Variants in COL10A1 observed in about 807,000 individuals in gnomAD.
COL10A1 encodes collagen type X alpha 1 chain, also known as collagen alpha-1(X) chain.
Under a neutral mutation model 18.2 loss-of-function variants are expected in COL10A1, and 10 were observed. The ratio of observed to expected loss-of-function variants is 0.55; its 90% confidence interval spans 0.34 to 0.93. The LOEUF is 0.93. Among genes scored for constraint, COL10A1 ranks in the 40% least tolerant of loss-of-function variants. The pLI, the probability that COL10A1 is intolerant of heterozygous loss-of-function variation, is 0.02. For missense variants in COL10A1, 897 were observed against 853.5 expected (o/e 1.05, Z -0.64); for synonymous variants, 330 against 316.6 (o/e 1.04, Z -0.45).
chr6:116,124,516 A>G (rs1036888712), intron 2 of COL10A1, among the ~76,000 whole-genome samples: 2 of 152,218 alleles, frequency 1.3e-5, no homozygotes, highest in African/African-American at 4.8e-5. Context: ...AAGAAAGTTA[A>G]CTTATTGAAG....
chr6:116,201,169 A>T, the COL10A1 span, among the ~76,000 whole-genome samples: 1 of 152,044 alleles, frequency 6.6e-6, no homozygotes, highest in Non-Finnish European at 1.5e-5. Context: ...GAGTCACCAC[A>T]TGTAAAATCT....
the COL10A1 span, among the ~76,000 whole-genome samples, chr6:116,189,082 A>C: frequency 6.6e-6 from 1 of 151,944 alleles, no homozygotes; most frequent in Non-Finnish European, 1.5e-5. Context: ...TTCTCATTGC[A>C]ATTGATTTTT....
chr6:116,193,527 A>C, the COL10A1 span, among the ~76,000 whole-genome samples: 1 of 152,026 alleles, frequency 6.6e-6, no homozygotes, highest in African/African-American at 2.4e-5. Flanking sequence ...ATATTTCCTA[A>C]TTTATGGATT....
chr6:116,201,485 G>T, the COL10A1 span, among the ~76,000 whole-genome samples: 1 of 152,032 alleles, frequency 6.6e-6, no homozygotes, highest in Non-Finnish European at 1.5e-5. Flanking sequence ...TCCCTAATGA[G>T]ACCAGTGACT....
At chr6:116,178,870 CT>C in the COL10A1 span, among the ~76,000 whole-genome samples, 1 of 152,198 alleles carries the variant, frequency 6.6e-6, no homozygotes, top group Non-Finnish European at 1.5e-5. Flanking sequence ...TAAAAATCTT[CT>C]TGCTTTAAGC....
At chr6:116,167,379 AT>A in the COL10A1 span, among the ~76,000 whole-genome samples, 1 of 151,744 alleles carries the variant, frequency 6.6e-6, no homozygotes, top group South Asian at 2.1e-4. Flanking sequence ...CTGCCGGCTA[AT>A]TTTTTGTATT....
the COL10A1 span, among the ~76,000 whole-genome samples, chr6:116,177,175 C>CT: frequency 6.6e-6 from 1 of 152,142 alleles, no homozygotes; most frequent in African/African-American, 2.4e-5. Context: ...GTTACTTGAG[C>CT]TTTTCGTTTC....
the COL10A1 span, among the ~76,000 whole-genome samples, chr6:116,166,680 T>C: frequency 6.6e-6 from 1 of 152,208 alleles, no homozygotes. Context: ...GTAGTGTATT[T>C]CAAAAGTTAA....
At chr6:116,210,366 GAA>G in the COL10A1 span, among the ~76,000 whole-genome samples, 1 of 146,592 alleles carries the variant, frequency 6.8e-6, no homozygotes, top group Non-Finnish European at 1.5e-5. Context: ...TGTACCATGT[GAA>G]AAAAAAAAAG....
At chr6:116,141,487 T>A (rs1249699173) in intron 1 of COL10A1, among the ~76,000 whole-genome samples, 2 of 151,322 alleles carry the variant, frequency 1.3e-5, no homozygotes, top group East Asian at 3.9e-4. Context: ...TTTTCCCAAC[T>A]TTCCAGTGGG....
chr6:116,215,551 A>C, the COL10A1 span, among the ~76,000 whole-genome samples: 1 of 151,762 alleles, frequency 6.6e-6, no homozygotes, highest in African/African-American at 2.4e-5. Context: ...CCATCTGCTG[A>C]CCCTCCCAGC....
chr6:116,204,375 A>G, the COL10A1 span, among the ~76,000 whole-genome samples: 1 of 152,002 alleles, frequency 6.6e-6, no homozygotes, highest in Admixed American at 6.6e-5. Flanking sequence ...AAAAAGATGC[A>G]CTACCTAATT....
At chr6:116,184,928 G>A in the COL10A1 span, among the ~76,000 whole-genome samples, 11 of 151,822 alleles carry the variant, frequency 7.2e-5, no homozygotes, top group Non-Finnish European at 1.2e-4. Context: ...TTTGGGTTTG[G>A]TTTGTTCTTA....
chr6:116,171,454 G>A, the COL10A1 span, among the ~76,000 whole-genome samples: 1 of 152,162 alleles, frequency 6.6e-6, no homozygotes, highest in Non-Finnish European at 1.5e-5. Flanking sequence ...AGTGTTAGTG[G>A]TGGTAAAGAT....
chr6:116,152,934 C>A (rs546729033), intron 1 of COL10A1, among the ~76,000 whole-genome samples: 1 of 152,084 alleles, frequency 6.6e-6, no homozygotes, highest in Admixed American at 6.6e-5. Flanking sequence ...ACCTATAATC[C>A]TCCTCCATAC....
At chr6:116,125,528 A>C in intron 1 of COL10A1, 21 bp from the exon 2 acceptor site, 1 of 1,607,180 alleles carries the variant, frequency 6.2e-7, no homozygotes, top group Non-Finnish European at 8.5e-7. Context: ...GAAAAGAATA[A>C]CTTTATACAG....
chr6:116,154,588 G>A (rs960521739), intron 1 of COL10A1, among the ~76,000 whole-genome samples: 3 of 152,248 alleles, frequency 2.0e-5, no homozygotes, highest in African/African-American at 7.2e-5. Flanking sequence ...AGAACAGTGA[G>A]GTGGTGTTTA....
chr6:116,163,226 G>T (rs1307614896), upstream of COL10A1, among the ~76,000 whole-genome samples: 1 of 147,170 alleles, frequency 6.8e-6, no homozygotes, highest in African/African-American at 2.5e-5. Context: ...AATTCCCCTG[G>T]TCCTGGGTTT....
At chr6:116,169,682 A>G in the COL10A1 span, among the ~76,000 whole-genome samples, 4 of 152,330 alleles carry the variant, frequency 2.6e-5, no homozygotes, top group Admixed American at 2.6e-4. Context: ...ATAAAACATG[A>G]GGAATGAAGA....
Sources: gnomAD v4.1 joint callset for allele counts (sites outside exome capture counted in the v4.1 genomes callset) on GRCh38, gnomAD v4.1.1 for gene constraint, MANE v1.5 for transcripts, NCBI Gene and HGNC (gene_info 2026-07-23, HGNC 2026-07-21) for gene names.